HS3ST3A1: variants seen among roughly 807,000 people sequenced by gnomAD.
The protein encoded by HS3ST3A1 is heparan sulfate glucosamine 3-O-sulfotransferase 3A1.
A neutral mutation model predicts 25.7 loss-of-function variants in HS3ST3A1; 19 were observed. The observed-to-expected ratio is 0.74, with a 90% CI of 0.52 to 1.08. The LOEUF (loss-of-function observed/expected upper bound fraction) is 1.08, where lower values mean the gene tolerates loss of function less well. Ranked by LOEUF, HS3ST3A1 falls within the 50% of genes least tolerant of loss-of-function variation. HS3ST3A1 has a pLI of 0.00. For missense variants in HS3ST3A1, 459 were observed against 594.3 expected (o/e 0.77, Z 2.37); for synonymous variants, 226 against 278.6 (o/e 0.81, Z 1.88).
chr17:13,495,312 A>C lies in HS3ST3A1; in HGVS notation c.*885T>G. 6.6e-6 allele frequency among the ~76,000 whole-genome samples: 1 copy of C among 152,154 alleles called. No individual in the cohort carries two copies. The highest frequency in any genetic ancestry group is 1.5e-5 in the Non-Finnish European group (1 of 68,032). The stretch of plus-strand genomic sequence containing the variant: ...AGTCAAGATTTCCATATCTCAGTGT[A>C]CTTTAAATAGCCAAGAGGCAAGACT... On this transcript the variant is annotated 3_prime_UTR_variant, in exon 2 of 2. Coordinates refer to ENST00000284110, the MANE Select transcript of HS3ST3A1 (RefSeq NM_006042.3).
chr17:13,572,651 G>A (rs1022680436), intron 1 of HS3ST3A1, among the ~76,000 whole-genome samples: 8 of 152,174 alleles, frequency 5.3e-5, no homozygotes, highest in Non-Finnish European at 7.3e-5. Context: ...GGTCCAGGCT[G>A]TGTTTTAATT....
At chr17:13,508,422 G>C (rs899658071) in intron 1 of HS3ST3A1, among the ~76,000 whole-genome samples, 1 of 152,204 alleles carries the variant, frequency 6.6e-6, no homozygotes, top group African/African-American at 2.4e-5. Flanking sequence ...TGGAAGACAA[G>C]GGGCGAGAGT....
At chr17:13,556,268 G>A (rs954386819) in intron 1 of HS3ST3A1, among the ~76,000 whole-genome samples, 4 of 152,164 alleles carry the variant, frequency 2.6e-5, no homozygotes, top group Non-Finnish European at 5.9e-5. Flanking sequence ...AGCACTTTGG[G>A]AGGCCGGGGC....
rs58701744 is a variant in HS3ST3A1, at chr17:13,526,474, TTATATATATATATATATATATA to T, written c.600-29678_600-29657del. On this transcript the variant is annotated intron_variant, in intron 1 of 1. Transcript: ENST00000284110. ...TTGAACTTGGATACAACTTTAATTT[TTATATATATATATATATATATA>T]TATATATATATATATATATTATTGG... Among the ~76,000 whole-genome samples, 117 of 76,306 alleles carry T rather than the reference TTATATATATATATATATATATA, an allele frequency of 1.5e-3. 3 individuals carry two copies. Among genetic ancestry groups the T allele is most frequent in the South Asian group, 1.4e-3 (3 of 2,126 alleles). The allele number at this position is 76,306 out of a possible 152,430, so 50.1% of individuals were successfully genotyped here. A position where few individuals can be genotyped will look rare whatever the true frequency, so the allele number is the denominator to read the frequency against.
intron 1 of HS3ST3A1, among the ~76,000 whole-genome samples, chr17:13,506,725 C>A (rs186117283): frequency 3.9e-5 from 6 of 152,172 alleles, no homozygotes; most frequent in African/African-American, 1.4e-4. Flanking sequence ...CATGTCTATG[C>A]GATGCTTCCT....
intron 1 of HS3ST3A1, among the ~76,000 whole-genome samples, chr17:13,595,521 T>C (rs1274697703): frequency 1.3e-5 from 2 of 152,198 alleles, no homozygotes; most frequent in Admixed American, 6.5e-5. Context: ...GACATCCTTA[T>C]AAAATGCAAA....
At chr17:13,591,182 G>A (rs1445487681) in intron 1 of HS3ST3A1, among the ~76,000 whole-genome samples, 1 of 151,744 alleles carries the variant, frequency 6.6e-6, no homozygotes, top group Non-Finnish European at 1.5e-5. Context: ...GAGTACCTGG[G>A]ATTACAGGCA....
intron 1 of HS3ST3A1, among the ~76,000 whole-genome samples, chr17:13,535,405 G>A (rs370204308): frequency 1.0e-3 from 153 of 152,258 alleles, no homozygotes; most frequent in African/African-American, 3.5e-3. Flanking sequence ...CAAAAACCAA[G>A]TCTCCAAATA....
chr17:13,519,439 T>A (rs980613359), intron 1 of HS3ST3A1, among the ~76,000 whole-genome samples: 15 of 152,192 alleles, frequency 9.9e-5, no homozygotes, highest in African/African-American at 3.4e-4. Flanking sequence ...ATCATTGAGA[T>A]AATGATTATG....
chr17:13,589,248 G>A (rs1908357025), intron 1 of HS3ST3A1, among the ~76,000 whole-genome samples: 1 of 152,106 alleles, frequency 6.6e-6, no homozygotes, highest in Non-Finnish European at 1.5e-5. Flanking sequence ...AAGGCACTAG[G>A]AGCCCTCCTT....
intron 1 of HS3ST3A1, among the ~76,000 whole-genome samples, chr17:13,572,297 A>G (rs1376271175): frequency 6.6e-6 from 1 of 152,190 alleles, no homozygotes; most frequent in African/African-American, 2.4e-5. Context: ...GAACTGACTT[A>G]TCCCAAATCA....
At chr17:13,552,071 C>T (rs1490125293) in intron 1 of HS3ST3A1, among the ~76,000 whole-genome samples, 1 of 129,720 alleles carries the variant, frequency 7.7e-6, no homozygotes, top group African/African-American at 2.7e-5. Flanking sequence ...GGTTCTTGAA[C>T]ACTTTATTTT....
intron 1 of HS3ST3A1, among the ~76,000 whole-genome samples, chr17:13,594,101 T>C (rs961819557): frequency 2.0e-5 from 3 of 152,160 alleles, no homozygotes; most frequent in Admixed American, 1.3e-4. Flanking sequence ...CGTCTAATGT[T>C]TTCTCAGGGC....
At chr17:13,571,250 G>A (rs1032339047) in intron 1 of HS3ST3A1, among the ~76,000 whole-genome samples, 6 of 152,130 alleles carry the variant, frequency 3.9e-5, no homozygotes, top group African/African-American at 7.2e-5. Context: ...AAAATCCCCC[G>A]AAATACTCTG....
rs182818016 is a variant in HS3ST3A1 at position 13,559,394 on chromosome 17, C to T, written c.599+41137G>A. ...CTCTACTTCTACACTCTTCTTACACCTAAAAGTAAAAATATTTTTGAAAAT... is the reference window on the plus strand; with the variant it reads ...CTCTACTTCTACACTCTTCTTACACTTAAAAGTAAAAATATTTTTGAAAAT... On this transcript the variant is annotated intron_variant, in intron 1 of 1. Coordinates refer to ENST00000284110, the MANE Select transcript of HS3ST3A1 (RefSeq NM_006042.3). Among the ~76,000 whole-genome samples, 248 of 151,814 alleles carry T rather than the reference C, an allele frequency of 1.6e-3. 1 individual carries two copies. Among genetic ancestry groups the T allele is most frequent in the African/African-American group, 5.7e-3 (237 of 41,456 alleles).
At chr17:13,567,218 G>A (rs1315933559) in intron 1 of HS3ST3A1, among the ~76,000 whole-genome samples, 1 of 152,208 alleles carries the variant, frequency 6.6e-6, no homozygotes, top group Non-Finnish European at 1.5e-5. Context: ...AAGCCTGGAT[G>A]ACAGCACATC....
At chr17:13,593,675 G>C (rs1370183221) in intron 1 of HS3ST3A1, among the ~76,000 whole-genome samples, 2 of 152,204 alleles carry the variant, frequency 1.3e-5, no homozygotes, top group Non-Finnish European at 2.9e-5. Context: ...TTCAACGCCT[G>C]TTAGGCTTCT....
chr17:13,573,964 G>A (rs1243562460), intron 1 of HS3ST3A1, among the ~76,000 whole-genome samples: 1 of 152,054 alleles, frequency 6.6e-6, no homozygotes, highest in African/African-American at 2.4e-5. Flanking sequence ...CCACGCCTTG[G>A]TCTTAGACTT....
At chr17:13,526,444 C>G (rs1598414385) in intron 1 of HS3ST3A1, among the ~76,000 whole-genome samples, 1 of 127,820 alleles carries the variant, frequency 7.8e-6, no homozygotes, top group East Asian at 2.3e-4. Flanking sequence ...ATTTTTATTG[C>G]CATATTGAAC....
Sources: gnomAD v4.1 joint callset for allele counts (sites outside exome capture counted in the v4.1 genomes callset) on GRCh38, gnomAD v4.1.1 for gene constraint, MANE v1.5 for transcripts, NCBI Gene and HGNC (gene_info 2026-07-23, HGNC 2026-07-21) for gene names.